Variants in MASP1 observed in about 807,000 individuals in gnomAD.
The protein encoded by MASP1 is MBL associated serine protease 1.
A neutral mutation model predicts 77.1 loss-of-function variants in MASP1; 59 were observed. That is an observed-to-expected ratio of 0.77 (90% CI 0.62 to 0.95). The LOEUF is 0.95. Ranked by LOEUF, MASP1 falls within the 40% of genes least tolerant of loss-of-function variation. The pLI is 0.00. For missense variants in MASP1, 885 were observed against 912.9 expected, an observed-to-expected ratio of 0.97 and a Z score of 0.39; for synonymous variants, 362 against 354.5, an observed-to-expected ratio of 1.02 and a Z score of -0.24.
At chr3:187,243,799 C>A (rs766591546) in intron 8 of MASP1, 178 bp from the exon 9 acceptor site, 74 of 728,810 alleles carry the variant, frequency 1.0e-4, no homozygotes, top group Non-Finnish European at 1.6e-4. Context: ...GTGAAGCTAC[C>A]CATGGTCCTG....
intron 13 of MASP1, among the ~76,000 whole-genome samples, chr3:187,224,410 G>C (rs920810664): frequency 6.7e-6 from 1 of 148,568 alleles, no homozygotes; most frequent in East Asian, 2.0e-4. Context: ...GCAGTGGCGG[G>C]ATCTCGGCTC....
chr3:187,265,746 A>G (rs1376933125), intron 2 of MASP1, among the ~76,000 whole-genome samples: 2 of 152,212 alleles, frequency 1.3e-5, no homozygotes, highest in East Asian at 3.8e-4. Flanking sequence ...TTTGGGAACT[A>G]TTCTGAGATG....
chr3:187,220,465 CTTTCT>C (rs1207733461), intron 15 of MASP1, among the ~76,000 whole-genome samples: 2 of 149,198 alleles, frequency 1.3e-5, no homozygotes, highest in African/African-American at 2.5e-5. Flanking sequence ...AGACCTCTTT[CTTTCT>C]TTTCTTTTCT....
At position 187,222,510 on chromosome 3, in the gene MASP1, G is replaced by A. The variant is rs975488439; in HGVS notation, c.1809+617C>T. Reference sequence around the variant, plus strand: ...ACTAGCTGTGTCAGTCATAGGCCCCGGTGATATCAGAGCCAAGCAACTCTT... The same window carrying A: ...ACTAGCTGTGTCAGTCATAGGCCCCAGTGATATCAGAGCCAAGCAACTCTT... On this transcript the variant is annotated intron_variant, in intron 14 of 15. Coordinates refer to the MASP1 transcript ENST00000337774. 5.9e-5 allele frequency among the ~76,000 whole-genome samples: 9 copies of A among 152,118 alleles called. 1 individual carries two copies. Among genetic ancestry groups the A allele is most frequent in the South Asian group, 2.1e-4 (1 of 4,832 alleles).
chr3:187,230,839 T>A (rs1425188197), downstream of MASP1, among the ~76,000 whole-genome samples: 1 of 152,228 alleles, frequency 6.6e-6, no homozygotes, highest in East Asian at 1.9e-4. Context: ...GTCTCCTGAC[T>A]CCCAATTCTG....
intron 3 of MASP1, among the ~76,000 whole-genome samples, chr3:187,262,271 T>C (rs1715646027): frequency 6.6e-6 from 1 of 152,202 alleles, no homozygotes; most frequent in South Asian, 2.1e-4. Context: ...AATATGAAAC[T>C]CTAGCAAAAT....
At chr3:187,241,618 A>G (rs1713647719) in intron 9 of MASP1, 63 bp from the exon 10 acceptor site, 6 of 1,075,214 alleles carry the variant, frequency 5.6e-6, no homozygotes, top group Non-Finnish European at 8.7e-6. Flanking sequence ...CACATGGAAA[A>G]TAGATCTGGG....
rs1203759793 is a variant in MASP1, at chr3:187,236,423, C to T, written c.1448G>A (p.Ser483Asn). Reference sequence around the variant, plus strand: ...CCAGGACGCAGAGAGCAGGGCCCCACTCCCAAACCACTTGTCATTTGGCAC... The same window carrying T: ...CCAGGACGCAGAGAGCAGGGCCCCATTCCCAAACCACTTGTCATTTGGCAC... ...SRVPNDKWFG[S>N]GALLSASWIL... The change falls in exon 11 of 11, where the codon AGT becomes AAT. Residue 483 changes from serine (S) to asparagine (N), a missense_variant. By Grantham distance (46) the Ser-to-Asn change is conservative. Transcript: ENST00000296280. 2.5e-6 allele frequency: 4 copies of T among 1,614,130 alleles called. No homozygotes were observed. In the South Asian group the frequency reaches 4.4e-5, roughly 18 times the overall value.
chr3:187,279,534 C>T (rs769822526), intron 2 of MASP1, among the ~76,000 whole-genome samples: 44 of 152,326 alleles, frequency 2.9e-4, no homozygotes, highest in Admixed American at 3.3e-4. Flanking sequence ...GAAATTAATT[C>T]AACCTTTGAC....
In MASP1 at chr3:187,236,496, C is replaced by G. The variant is rs140933134; in HGVS notation, c.1375G>C (p.Gly459Arg). 1 of 1,613,936 alleles carries G rather than the reference C, an allele frequency of 6.2e-7. No homozygotes were observed. Among genetic ancestry groups the G allele is most frequent in the Non-Finnish European group, 8.5e-7 (1 of 1,180,004 alleles). Residue 459 changes from glycine (G) to arginine (R), a missense_variant, in exon 11 of 11, where the codon GGC becomes CGC. Physicochemically the swap from Gly to Arg is moderately radical, Grantham distance 125 (BLOSUM62 -2). Coordinates refer to ENST00000296280, the MANE Select transcript of MASP1 (RefSeq NM_139125.4). ...ATCAGGGCCTGCCACGGGAAGAGGC[C>G]AGGCTCAGCATTTCGGCCCCCAATG... ...RIIGGRNAEP[G>R]LFPWQALIVV...
intron 7 of MASP1, 32 bp downstream of exon 7, chr3:187,251,602 G>T (rs78008995): frequency 0.035 from 54,743 of 1,581,116 alleles, 1,260 homozygotes; most frequent in Non-Finnish European, 0.04. Flanking sequence ...CTGTGGCCTG[G>T]TCACTCCCCT....
chr3:187,229,304 G>A (rs548329642), downstream of MASP1, among the ~76,000 whole-genome samples: 2 of 152,092 alleles, frequency 1.3e-5, no homozygotes, highest in Admixed American at 1.3e-4. Flanking sequence ...CCCCACCACT[G>A]CAATGGATGT....
Position 187,234,586 on chromosome 3 carries a change from A to T in MASP1, c.*1098T>A. 1 of 1,287,046 alleles carries T rather than the reference A, an allele frequency of 7.8e-7. No individual in the cohort carries two copies. The highest frequency in any genetic ancestry group is 1.0e-6 in the Non-Finnish European group (1 of 988,670). 79.7% of individuals were successfully genotyped at this position (1,287,046 alleles called of 1,614,324 possible). The stretch of plus-strand genomic sequence containing the variant: ...CATGGGTGAGCCTCTGATTCCTTTG[A>T]CTCTGAAAAATGAAGGAGTGGGTCC... On this transcript the variant is annotated 3_prime_UTR_variant, in exon 11 of 11. Transcript: ENST00000296280.
chr3:187,246,363 G>T (rs1239128228), intron 8 of MASP1: 4 of 985,012 alleles, frequency 4.1e-6, no homozygotes, highest in Admixed American at 6.2e-5. Context: ...TACGTTGTAG[G>T]TTTAAAGACA....
intron 4 of MASP1, 146 bp from the exon 5 acceptor site, chr3:187,257,006 G>A: frequency 1.4e-6 from 1 of 728,924 alleles, no homozygotes; most frequent in Non-Finnish European, 2.4e-6. Context: ...TGGGAAAAAT[G>A]AAGCTCAAGG....
chr3:187,233,953 G>T, downstream of MASP1: 2 of 506,946 alleles, frequency 3.9e-6, no homozygotes, highest in Non-Finnish European at 6.2e-6. Context: ...ATAATGTCCA[G>T]ATACCAAAAG....
chr3:187,238,748 T>C (rs547570564), intron 10 of MASP1, among the ~76,000 whole-genome samples: 1 of 152,318 alleles, frequency 6.6e-6, no homozygotes, highest in South Asian at 2.1e-4. Flanking sequence ...TTTCTACAAG[T>C]AGCCTTGTGC....
At chr3:187,220,170 G>A in exon 16 of MASP1, 8 of 1,614,158 alleles carry the variant, frequency 5.0e-6, no homozygotes, top group South Asian at 1.1e-5. Flanking sequence ...CATCACCCCA[G>A]GACACAGTGC....
chr3:187,223,812 AAC>A (rs1160083270), intron 13 of MASP1, among the ~76,000 whole-genome samples: 1 of 152,234 alleles, frequency 6.6e-6, no homozygotes, highest in Non-Finnish European at 1.5e-5. Flanking sequence ...GGATACTGAA[AAC>A]AGTGTTGGGC....
Sources: gnomAD v4.1 joint callset for allele counts (sites outside exome capture counted in the v4.1 genomes callset) on GRCh38, gnomAD v4.1.1 for gene constraint, MANE v1.5 for transcripts, NCBI Gene and HGNC (gene_info 2026-07-23, HGNC 2026-07-21) for gene names.